EFHC2: variants seen among roughly 807,000 people sequenced by gnomAD.
EFHC2 encodes the protein EF-hand domain containing 2, also known as EF-hand domain-containing family member C2.
Under a neutral mutation model 52.7 loss-of-function variants are expected in EFHC2, and 18 were observed. The observed-to-expected ratio is 0.34, with a 90% CI of 0.24 to 0.51. The LOEUF is 0.51. EFHC2 is among the 20% of genes least tolerant of loss of function. EFHC2 has a pLI of 0.97. For missense variants in EFHC2, 513 were observed against 562.5 expected (o/e 0.91, Z 0.89); for synonymous variants, 203 against 204.1 (o/e 0.99, Z 0.04).
intron 2 of EFHC2, among the ~76,000 whole-genome samples, chrX:44,308,244 C>T (rs2037920241): frequency 9.0e-6 from 1 of 111,284 alleles, no homozygotes; most frequent in Non-Finnish European, 1.9e-5. Context: ...TAGTTGATTT[C>T]ACCACTTAAC....
At chrX:44,283,474 G>C (rs1234786428) in intron 2 of EFHC2, among the ~76,000 whole-genome samples, 3 of 110,690 alleles carry the variant, frequency 2.7e-5, no homozygotes, top group African/African-American at 9.9e-5. Context: ...AAGCCACGGC[G>C]CACGGCCGAT....
chrX:44,179,849 T>C (rs2036820145), intron 11 of EFHC2, among the ~76,000 whole-genome samples: 1 of 112,181 alleles, frequency 8.9e-6, no homozygotes, highest in South Asian at 3.7e-4. Context: ...ATATAGATGA[T>C]CTTTCAAAGC....
At chrX:44,246,605 T>C (rs1238534404) in intron 7 of EFHC2, among the ~76,000 whole-genome samples, 1 of 111,015 alleles carries the variant, frequency 9.0e-6, no homozygotes, top group African/African-American at 3.3e-5. Flanking sequence ...AAATGGACCA[T>C]AGGACATTTG....
At chrX:44,247,617 A>G (rs903048508) in intron 7 of EFHC2, among the ~76,000 whole-genome samples, 1 of 111,326 alleles carries the variant, frequency 9.0e-6, no homozygotes, top group Non-Finnish European at 1.9e-5. Flanking sequence ...ATCCTCCGCC[A>G]GCTTCCAAGA....
In EFHC2 at chrX:44,261,030, A is replaced by C. The variant is rs781080913; in HGVS notation, c.606+45T>G. 11 of 1,117,323 alleles carry C rather than the reference A, an allele frequency of 9.8e-6. No individual in the cohort carries two copies. In the South Asian group the frequency reaches 2.2e-4, roughly 22 times the overall value. 92.1% of individuals were successfully genotyped at this position (1,117,323 alleles called of 1,213,427 possible). On this transcript the variant is annotated intron_variant, in intron 4 of 14. Transcript: ENST00000420999. ...CACCCTTTACTGACTTTCCAAAGGGATTTTTATTTTGAAGACAAGAACTCA... is the reference window on the plus strand; with the variant it reads ...CACCCTTTACTGACTTTCCAAAGGGCTTTTTATTTTGAAGACAAGAACTCA...
At chrX:44,334,979 A>C (rs1206847829) in intron 1 of EFHC2, among the ~76,000 whole-genome samples, 1 of 71,628 alleles carries the variant, frequency 1.4e-5, no homozygotes, top group Non-Finnish European at 2.5e-5. Context: ...ACTGTACACC[A>C]AAAGGGGATG....
At chrX:44,301,402 T>C (rs1251576316) in intron 2 of EFHC2, among the ~76,000 whole-genome samples, 1 of 111,513 alleles carries the variant, frequency 9.0e-6, no homozygotes, top group Non-Finnish European at 1.9e-5. Flanking sequence ...ATTAAAACTC[T>C]GGTCTCCTGA....
At chrX:44,332,429 G>A (rs1174447707) in intron 1 of EFHC2, among the ~76,000 whole-genome samples, 1 of 110,706 alleles carries the variant, frequency 9.0e-6, no homozygotes, top group Non-Finnish European at 1.9e-5. Flanking sequence ...TATTCAGCTG[G>A]TCAAGCTGTT....
chrX:44,178,512 T>C lies in EFHC2; in HGVS notation c.1804A>G (p.Thr602Ala), dbSNP rs940930953. Residue 602 changes from threonine to alanine, a missense_variant, in exon 12 of 15, where the codon ACC becomes GCC. Physicochemically the swap from Thr to Ala is moderately conservative, Grantham distance 58. Coordinates refer to ENST00000420999, the MANE Select transcript of EFHC2 (RefSeq NM_025184.4). The stretch of plus-strand genomic sequence containing the variant: ...GGCACACGGTAGTGACGTGCAATGG[T>C]TACAAATTCTTGCTCTGCAAGGTTT... ...VGNLAEQEFV[T>A]IARHYRVPEG... The C allele has an allele frequency of 2.5e-6, 3 of 1,203,575 alleles. No homozygotes were observed. The highest frequency in any genetic ancestry group is 2.3e-4 in the Middle Eastern group (1 of 4,343).
chrX:44,212,042 GAA>G (rs968541534), intron 11 of EFHC2, among the ~76,000 whole-genome samples: 4 of 109,057 alleles, frequency 3.7e-5, no homozygotes, highest in Non-Finnish European at 7.6e-5. Context: ...TACTGAGGTA[GAA>G]AACTCTGGAC....
chrX:44,324,776 G>C (rs180798851), intron 1 of EFHC2, among the ~76,000 whole-genome samples: 2 of 112,228 alleles, frequency 1.8e-5, no homozygotes. Context: ...ATCAAAGTCA[G>C]AATGCAGTTC....
intron 11 of EFHC2, among the ~76,000 whole-genome samples, chrX:44,194,360 C>T (rs760797704): frequency 1.2e-4 from 13 of 111,411 alleles, no homozygotes; most frequent in African/African-American, 3.9e-4. Flanking sequence ...GCAAGTTACC[C>T]GGCTACGTTT....
intron 13 of EFHC2, among the ~76,000 whole-genome samples, chrX:44,173,337 G>C (rs773687033): frequency 8.9e-6 from 1 of 111,914 alleles, no homozygotes; most frequent in African/African-American, 3.3e-5. Flanking sequence ...AGGGGGCTCT[G>C]GCTTAGCGTG....
chrX:44,334,010 T>C (rs1453758877), intron 1 of EFHC2, among the ~76,000 whole-genome samples: 1 of 111,980 alleles, frequency 8.9e-6, no homozygotes, highest in Non-Finnish European at 1.9e-5. Context: ...AAAAAGAGCC[T>C]GGGTTCTTTA....
At chrX:44,279,815 A>G (rs1437708111) in intron 2 of EFHC2, among the ~76,000 whole-genome samples, 8 of 111,001 alleles carry the variant, frequency 7.2e-5, no homozygotes, top group Admixed American at 2.9e-4. Context: ...ACCAAATTAT[A>G]TAACTCTCCA....
chrX:44,229,448 T>A (rs1013475190), intron 11 of EFHC2, among the ~76,000 whole-genome samples: 1 of 112,375 alleles, frequency 8.9e-6, no homozygotes, highest in African/African-American at 3.2e-5. Context: ...TCTGTTCTCA[T>A]GTACAAACTC....
Position 44,148,865 on chromosome X carries a change from G to A in EFHC2, c.2180C>T (p.Ser727Leu). 1 of 1,184,557 alleles carries A rather than the reference G, an allele frequency of 8.4e-7. No homozygotes were observed. The highest frequency in any genetic ancestry group is 1.1e-6 in the Non-Finnish European group (1 of 880,933). ...RCEDVWLGMP[S>L]PIPAKYIDYW... ...GTCAATGTATTTCGCAGGAATAGGTGATGGCATACCAAGCCAAACATCTTC... is the reference window on the plus strand; with the variant it reads ...GTCAATGTATTTCGCAGGAATAGGTAATGGCATACCAAGCCAAACATCTTC... The change falls in exon 15 of 15, where the codon TCA (serine) becomes TTA (leucine). Residue 727 changes from serine (S) to leucine (L), a missense_variant. Coordinates refer to ENST00000420999, the MANE Select transcript of EFHC2 (RefSeq NM_025184.4).
At chrX:44,209,202 T>A (rs2037075725) in intron 11 of EFHC2, among the ~76,000 whole-genome samples, 2 of 110,931 alleles carry the variant, frequency 1.8e-5, no homozygotes, top group Admixed American at 9.7e-5. Flanking sequence ...GGGGCATACA[T>A]AATTTCTTAA....
intron 3 of EFHC2, among the ~76,000 whole-genome samples, chrX:44,262,531 A>AAAGAAAAGAAAAG (rs1556015627): frequency 2.1e-5 from 2 of 93,683 alleles, no homozygotes; most frequent in African/African-American, 8.8e-5. Flanking sequence ...AAAAAAAAAA[A>AAAGAAAAGAAAAG]AAAAGAAAAG....
Sources: allele counts gnomAD v4.1 joint callset (sites outside exome capture counted in the v4.1 genomes callset), GRCh38; gene constraint gnomAD v4.1.1; transcripts MANE v1.5; gene names NCBI Gene and HGNC (gene_info 2026-07-23, HGNC 2026-07-21).